ZBBX: variants seen among roughly 807,000 people sequenced by gnomAD.
ZBBX encodes zinc finger B-box domain-containing protein 1.
Under a neutral mutation model 108.5 loss-of-function variants are expected in ZBBX, and 101 were observed. The observed-to-expected ratio is 0.93, with a 90% CI of 0.79 to 1.10. The LOEUF is 1.10. Among genes scored for constraint, ZBBX ranks in the 50% least tolerant of loss-of-function variants. The pLI, the probability that ZBBX is intolerant of heterozygous loss-of-function variation, is 0.00. For missense variants in ZBBX, 1,009 were observed against 941.4 expected (o/e 1.07, Z -0.94); for synonymous variants, 356 against 323.4 (o/e 1.10, Z -1.08).
chr3:167,228,425 C>T, the ZBBX span, among the ~76,000 whole-genome samples: 1 of 151,758 alleles, frequency 6.6e-6, no homozygotes, highest in Non-Finnish European at 1.5e-5. Context: ...TCAAGAAAGA[C>T]TCATTTCTCA....
chr3:167,248,895 A>G (rs1722068772), intron 20 of ZBBX, among the ~76,000 whole-genome samples: 1 of 152,216 alleles, frequency 6.6e-6, no homozygotes, highest in Admixed American at 6.5e-5. Flanking sequence ...ATCAGTATCC[A>G]TGGCCGGCAC....
At chr3:167,265,549 G>T (rs4955776) in intron 20 of ZBBX, among the ~76,000 whole-genome samples, 48,853 of 151,976 alleles carry the variant, frequency 0.32, 8,320 homozygotes, top group East Asian at 0.65. Flanking sequence ...CCTGGGGTTG[G>T]GGGAGGGATG....
At chr3:167,339,989 G>C (rs556398702) in intron 9 of ZBBX, among the ~76,000 whole-genome samples, 1 of 152,132 alleles carries the variant, frequency 6.6e-6, no homozygotes, top group African/African-American at 2.4e-5. Flanking sequence ...CATATACCGT[G>C]TTGTGGCAGC....
chr3:167,376,140 T>C (rs1420943093), intron 2 of ZBBX, among the ~76,000 whole-genome samples: 1 of 152,178 alleles, frequency 6.6e-6, no homozygotes, highest in African/African-American at 2.4e-5. Context: ...CTAAATTAAG[T>C]GTCAACAAGA....
At chr3:167,351,873 T>C (rs1052572282) in intron 8 of ZBBX, among the ~76,000 whole-genome samples, 4 of 152,046 alleles carry the variant, frequency 2.6e-5, no homozygotes, top group Admixed American at 2.6e-4. Flanking sequence ...AGCACCCCAT[T>C]CCTGTCAGTC....
At chr3:167,271,835 C>T (rs1438288909) in intron 20 of ZBBX, among the ~76,000 whole-genome samples, 1 of 152,190 alleles carries the variant, frequency 6.6e-6, no homozygotes, top group Non-Finnish European at 1.5e-5. Flanking sequence ...TAGTAGATCA[C>T]CTCACTCACT....
At chr3:167,185,110 G>A in the ZBBX span, among the ~76,000 whole-genome samples, 4 of 152,034 alleles carry the variant, frequency 2.6e-5, no homozygotes, top group African/African-American at 9.7e-5. Context: ...GTTCCAAACT[G>A]GAGCAAACCT....
chr3:167,379,129 C>T (rs1241400675), intron 2 of ZBBX, among the ~76,000 whole-genome samples: 3 of 152,084 alleles, frequency 2.0e-5, no homozygotes, highest in Non-Finnish European at 1.5e-5. Context: ...AAAAATTAAA[C>T]ACGCCCTCTT....
At chr3:167,234,952 C>T (rs961539669), downstream of ZBBX, among the ~76,000 whole-genome samples, 1 of 151,706 alleles carries the variant, frequency 6.6e-6, no homozygotes, top group Non-Finnish European at 1.5e-5. Context: ...TGGAACTCAT[C>T]GTGACGGCTA....
intron 2 of ZBBX, among the ~76,000 whole-genome samples, chr3:167,377,872 C>A (rs1464005006): frequency 6.6e-6 from 1 of 151,942 alleles, no homozygotes; most frequent in Admixed American, 6.6e-5. Flanking sequence ...AATTGTAATC[C>A]CCATAATTCC....
chr3:167,222,486 C>A, the ZBBX span, among the ~76,000 whole-genome samples: 5 of 150,614 alleles, frequency 3.3e-5, no homozygotes, highest in Admixed American at 1.3e-4. Context: ...AGGTACATTA[C>A]GATGAATAAG....
chr3:167,324,204 G>C (rs986043216), intron 11 of ZBBX, among the ~76,000 whole-genome samples: 1 of 151,956 alleles, frequency 6.6e-6, no homozygotes. Context: ...GAGTGCAGTG[G>C]CATGATCATA....
the ZBBX span, among the ~76,000 whole-genome samples, chr3:167,214,242 C>G: frequency 4.0e-5 from 6 of 151,766 alleles, no homozygotes; most frequent in Admixed American, 1.3e-4. Flanking sequence ...AAAAGCAGCA[C>G]CCAGACCCAT....
At chr3:167,382,659 A>ACTT (rs1747790500), upstream of ZBBX, among the ~76,000 whole-genome samples, 1 of 152,186 alleles carries the variant, frequency 6.6e-6, no homozygotes, top group Non-Finnish European at 1.5e-5. Flanking sequence ...GAAATAAGGT[A>ACTT]AAGCCAAAAA....
chr3:167,210,088 T>TTAAAATAAAATAAAATAAAATAAAA, the ZBBX span, among the ~76,000 whole-genome samples: 46 of 152,014 alleles, frequency 3.0e-4, no homozygotes, highest in South Asian at 4.4e-3. Flanking sequence ...AGACTTGGTC[T>TTAAAATAAAATAAAATAAAATAAAA]TAAAATAAAA....
intron 2 of ZBBX, among the ~76,000 whole-genome samples, chr3:167,375,574 A>T (rs890296302): frequency 6.6e-6 from 1 of 152,044 alleles, no homozygotes; most frequent in African/African-American, 2.4e-5. Context: ...TCTGGGTGAC[A>T]GAGTGAGACT....
At chr3:167,299,510 A>C (rs1732268482) in intron 17 of ZBBX, among the ~76,000 whole-genome samples, 1 of 152,138 alleles carries the variant, frequency 6.6e-6, no homozygotes, top group Non-Finnish European at 1.5e-5. Flanking sequence ...CTTGGTTTAC[A>C]GATAAAAATC....
upstream of ZBBX, among the ~76,000 whole-genome samples, chr3:167,385,024 A>G (rs1173720939): frequency 6.6e-6 from 1 of 152,100 alleles, no homozygotes; most frequent in Non-Finnish European, 1.5e-5. Context: ...AGTTTCAAAA[A>G]ACAGAACACT....
At chr3:167,312,173 T>A (rs1734702903) in intron 16 of ZBBX, among the ~76,000 whole-genome samples, 1 of 151,928 alleles carries the variant, frequency 6.6e-6, no homozygotes, top group African/African-American at 2.4e-5. Context: ...AGTTAAAGAA[T>A]CCAATTATTA....
Sources: allele counts gnomAD v4.1 joint callset (sites outside exome capture counted in the v4.1 genomes callset), GRCh38; gene constraint gnomAD v4.1.1; transcripts MANE v1.5; gene names NCBI Gene and HGNC (gene_info 2026-07-23, HGNC 2026-07-21).